Variants in SPINK5 observed in about 807,000 individuals in gnomAD.
SPINK5 encodes the protein serine peptidase inhibitor Kazal type 5, also known as serine protease inhibitor Kazal-type 5.
In SPINK5, 125 loss-of-function variants were observed where a neutral mutation model predicts 151.8. That is an observed-to-expected ratio of 0.82 (90% CI 0.71 to 0.96). SPINK5 has a LOEUF of 0.96. Ranked by LOEUF, SPINK5 falls within the 40% of genes least tolerant of loss-of-function variation. The pLI is 0.00. For synonymous variants in SPINK5, 374 were observed against 395.3 expected, an observed-to-expected ratio of 0.95 and a Z score of 0.64; for missense variants, 1,194 against 1,291.9, an observed-to-expected ratio of 0.92 and a Z score of 1.16.
intron 26 of SPINK5, among the ~76,000 whole-genome samples, chr5:148,123,425 G>GATATTATCTATCTATCTATCTATCTATAT (rs1561703682): frequency 1.0e-5 from 1 of 99,920 alleles, no homozygotes; most frequent in African/African-American, 4.0e-5. Context: ...TATATATATA[G>GATATTATCTATCTATCTATCTATCTATAT]ATATATATTA....
intron 12 of SPINK5, 119 bp from the exon 13 acceptor site, chr5:148,100,335 C>G: frequency 9.0e-7 from 1 of 1,112,014 alleles, no homozygotes; most frequent in Non-Finnish European, 1.3e-6. Flanking sequence ...GAGAAAAACA[C>G]AATTAAAATC....
chr5:148,097,809 T>G (rs1244910822), intron 10 of SPINK5, 58 bp from the exon 11 acceptor site: 2 of 1,525,390 alleles, frequency 1.3e-6, no homozygotes, highest in African/African-American at 2.8e-5. Context: ...AAATAACATT[T>G]AACATTCATA....
intron 11 of SPINK5, 45 bp from the exon 12 acceptor site, chr5:148,099,189 T>A (rs763394016): frequency 6.5e-7 from 1 of 1,536,050 alleles, no homozygotes; most frequent in Non-Finnish European, 8.9e-7. Flanking sequence ...AATCATGGCA[T>A]GTGTTTGTTC....
intron 22 of SPINK5, 145 bp from the exon 23 acceptor site, chr5:148,118,292 C>T (rs902290362): frequency 5.8e-6 from 7 of 1,202,212 alleles, no homozygotes; most frequent in Admixed American, 1.8e-5. Flanking sequence ...GCTGGGATTA[C>T]AGGCATGAGC....
At chr5:148,075,004 GT>G (rs1444905643) in intron 4 of SPINK5, among the ~76,000 whole-genome samples, 1 of 151,154 alleles carries the variant, frequency 6.6e-6, no homozygotes, top group Non-Finnish European at 1.5e-5. Flanking sequence ...TTTGTTCTTG[GT>G]AGTTGATCAT....
chr5:148,111,991 AG>A, intron 19 of SPINK5, 96 bp downstream of exon 19: 1 of 1,572,398 alleles, frequency 6.4e-7, no homozygotes, highest in South Asian at 1.1e-5. Flanking sequence ...TCCAGGAGAT[AG>A]ATAATAAAGG....
At chr5:148,118,791 C>A (rs1754171186) in intron 23 of SPINK5, among the ~76,000 whole-genome samples, 195 bp from the exon 24 acceptor site, 1 of 152,148 alleles carries the variant, frequency 6.6e-6, no homozygotes, top group Non-Finnish European at 1.5e-5. Flanking sequence ...TCTGTGAACT[C>A]TAAGTGCTAT....
intron 2 of SPINK5, among the ~76,000 whole-genome samples, chr5:148,066,421 C>T (rs1364008523): frequency 6.6e-6 from 1 of 152,102 alleles, no homozygotes; most frequent in African/African-American, 2.4e-5. Context: ...TATCTCTGGC[C>T]ACGAACATTA....
At position 148,097,881 on chromosome 5, in the gene SPINK5, A is replaced by G. The variant is rs774913294; in HGVS notation, c.897A>G (p.Gln299=). 1.9e-6 allele frequency: 3 copies of G among 1,610,260 alleles called. No homozygotes were observed. The highest frequency in any genetic ancestry group is 2.2e-5 in the South Asian group (2 of 91,042). ...VKREIVKLCS[Q]YQNQAKNGIL... ...TCATTATTCAGAAACTCTGCAGTCA[A>G]TATCAAAATCAGGCAAAGAATGGAA... is the stretch of plus-strand genomic sequence containing the variant. The change falls in exon 11 of 33, where the codon CAA becomes CAG. Residue 299 remains glutamine (Q), a synonymous_variant. Transcript: ENST00000256084.
chr5:148,111,806 A>T lies in SPINK5; in HGVS notation c.1731A>T (p.Gly577=), dbSNP rs572207353. 6.2e-7 allele frequency: 1 copy of T among 1,614,040 alleles called. No homozygotes were observed. The highest frequency in any genetic ancestry group is 1.7e-5 in the Admixed American group (1 of 59,994). ...CSEYRHYVRN[G]RLPCTRENDP... The stretch of plus-strand genomic sequence containing the variant: ...AATATCGTCATTATGTGAGGAATGG[A>T]CGACTCCCCTGTACCAGAGAGAATG... Residue 577 remains glycine, a synonymous_variant, in exon 19 of 33, where the codon GGA becomes GGT. Coordinates refer to ENST00000256084, the MANE Select transcript of SPINK5 (RefSeq NM_006846.4).
chr5:148,104,895 C>CA, intron 15 of SPINK5, 57 bp from the exon 16 acceptor site: 2 of 1,510,090 alleles, frequency 1.3e-6, no homozygotes, highest in South Asian at 2.4e-5. Flanking sequence ...GACTCCGTCT[C>CA]AAAAAAGAAA....
chr5:148,126,300 C>T (rs960523563), intron 29 of SPINK5, among the ~76,000 whole-genome samples: 2 of 127,930 alleles, frequency 1.6e-5, no homozygotes, highest in Non-Finnish European at 3.4e-5. Flanking sequence ...GACCAATGGA[C>T]ATTATAAATG....
chr5:148,066,625 T>G (rs925239710), intron 2 of SPINK5, among the ~76,000 whole-genome samples: 1 of 152,076 alleles, frequency 6.6e-6, no homozygotes, highest in Non-Finnish European at 1.5e-5. Context: ...GAAAGTTCAG[T>G]AGAGTAGAAA....
rs1164247434 is a variant in SPINK5, at chr5:148,111,808, G to T, written c.1733G>T (p.Arg578Leu). ...SEYRHYVRNG[R>L]LPCTRENDPI... The stretch of plus-strand genomic sequence containing the variant: ...TATCGTCATTATGTGAGGAATGGAC[G>T]ACTCCCCTGTACCAGAGAGAATGAT... The change falls in exon 19 of 33, where the codon CGA becomes CTA. Residue 578 changes from arginine to leucine, a missense_variant. By Grantham distance (102) the Arg-to-Leu change is moderately radical (BLOSUM62 -2). Coordinates refer to ENST00000256084, the MANE Select transcript of SPINK5 (RefSeq NM_006846.4). 6.2e-7 allele frequency: 1 copy of T among 1,613,912 alleles called. No homozygotes were observed. Among genetic ancestry groups the T allele is most frequent in the Non-Finnish European group, 8.5e-7 (1 of 1,179,956 alleles).
At chr5:148,101,750 A>G (rs1259455964) in intron 14 of SPINK5, 31 bp from the exon 15 acceptor site, 1 of 1,613,398 alleles carries the variant, frequency 6.2e-7, no homozygotes, top group Non-Finnish European at 8.5e-7. Context: ...CCTATGTTCA[A>G]CACTTTCAAC....
rs1401900734 is a variant in SPINK5, at chr5:148,115,474, T to C, written c.2016-896T>C. Among the ~76,000 whole-genome samples the C allele has an allele frequency of 3.3e-5, 5 of 152,128 alleles. No individual in the cohort carries two copies. In the East Asian group the frequency reaches 5.8e-4, roughly 18 times the overall value. The stretch of plus-strand genomic sequence containing the variant: ...AGAAAGAAAGTACTAAACTTAAGAA[T>C]TGCTACTCATGTAGAGGGAGGAGCT... On this transcript the variant is annotated intron_variant, in intron 21 of 32. Coordinates refer to ENST00000256084, the MANE Select transcript of SPINK5 (RefSeq NM_006846.4).
intron 4 of SPINK5, among the ~76,000 whole-genome samples, chr5:148,081,480 CA>C (rs1460328679): frequency 6.6e-6 from 1 of 151,616 alleles, no homozygotes; most frequent in East Asian, 1.9e-4. Context: ...GGATGAACTT[CA>C]AAAACACTAT....
intron 5 of SPINK5, among the ~76,000 whole-genome samples, chr5:148,087,147 G>A (rs1753182663): frequency 6.6e-6 from 1 of 151,510 alleles, no homozygotes; most frequent in African/African-American, 2.4e-5. Context: ...GTAGATAATT[G>A]AGACTTTCAA....
intron 1 of SPINK5, among the ~76,000 whole-genome samples, chr5:148,064,968 A>T (rs1561669518): frequency 6.6e-6 from 1 of 152,172 alleles, no homozygotes; most frequent in Non-Finnish European, 1.5e-5. Flanking sequence ...ACTATAATAT[A>T]GTTTCAAAAT....
Sources: allele counts gnomAD v4.1 joint callset (sites outside exome capture counted in the v4.1 genomes callset), GRCh38; gene constraint gnomAD v4.1.1; transcripts MANE v1.5; gene names NCBI Gene and HGNC (gene_info 2026-07-23, HGNC 2026-07-21).